The following IFIH1 variants were observed in gnomAD, a reference collection of about 807,000 sequenced individuals.
IFIH1 encodes the protein interferon induced with helicase C domain 1, also known as interferon-induced helicase C domain-containing protein 1.
Under a neutral mutation model 107.4 loss-of-function variants are expected in IFIH1, and 125 were observed. The observed-to-expected ratio is 1.16, with a 90% confidence interval of 1.01 to 1.35. The LOEUF (loss-of-function observed/expected upper bound fraction) is 1.35, where lower values mean the gene tolerates loss of function less well. Among genes scored for constraint, IFIH1 ranks in the 40% most tolerant of loss-of-function variants. The pLI, the probability that IFIH1 is intolerant of heterozygous loss-of-function variation, is 0.00. For synonymous variants in IFIH1, 458 were observed against 413.2 expected, an observed-to-expected ratio of 1.11 and a Z score of -1.31; for missense variants, 1,333 against 1,213.7, an observed-to-expected ratio of 1.10 and a Z score of -1.46.
intron 3 of IFIH1, among the ~76,000 whole-genome samples, chr2:162,293,977 C>A (rs1166922406): frequency 6.6e-6 from 1 of 151,804 alleles, no homozygotes; most frequent in African/African-American, 2.4e-5. Context: ...GTAAATGTTG[C>A]CCAAGAAAAC....
chr2:162,318,404 T>TA lies in IFIH1; in HGVS notation c.-98dup, dbSNP rs999033815. ...TGCGTGCCGCTGTCCGCTGCCCACTTAGAGAAGCAGGGTCTACCGCTCTGT... is the reference window on the plus strand; with the variant it reads ...TGCGTGCCGCTGTCCGCTGCCCACTTAAGAGAAGCAGGGTCTACCGCTCTGT... On this transcript the variant is annotated 5_prime_UTR_variant, in exon 1 of 16. Coordinates refer to ENST00000649979, the MANE Select transcript of IFIH1 (RefSeq NM_022168.4). 3.9e-6 allele frequency: 4 copies of TA among 1,015,154 alleles called. No homozygotes were observed. The African/African-American group carries it at 4.8e-5, about 12-fold the overall frequency. 62.9% of individuals were successfully genotyped at this position (1,015,154 alleles called of 1,614,324 possible).
Position 162,281,418 on chromosome 2 carries a change from C to T in IFIH1, c.1434G>A (p.Val478=). ...NNRLKKENKP[V]IPLPQILGLT... Reference sequence around the variant, plus strand: ...GTCCCAGTATCTGAGGAAGGGGAATCACTGGTTTGTTTTCTTTCTTGAGTC... The same window carrying T: ...GTCCCAGTATCTGAGGAAGGGGAATTACTGGTTTGTTTTCTTTCTTGAGTC... The change falls in exon 7 of 16, where the codon GTG becomes GTA. Residue 478 remains valine (V), a synonymous_variant. Transcript: ENST00000649979. 6.2e-7 allele frequency: 1 copy of T among 1,612,742 alleles called. No homozygotes were observed. The highest frequency in any genetic ancestry group is 8.5e-7 in the Non-Finnish European group (1 of 1,179,132).
Position 162,288,256 on chromosome 2 carries a change from A to G in IFIH1, c.974T>C (p.Ile325Thr). 5.0e-6 allele frequency: 8 copies of G among 1,612,776 alleles called. No homozygotes were observed. Among genetic ancestry groups the G allele is most frequent in the Non-Finnish European group, 5.1e-6 (6 of 1,179,222 alleles). ...ACTCCCTGTAGGGAGGCAGATGATG[A>G]TATTCTTCCCTTCCAAGGCTGGCTG... ...VAQPALEGKN[I>T]IICLPTGSGK... The change falls in exon 5 of 16, where the codon ATC (isoleucine) becomes ACC (threonine). Residue 325 changes from isoleucine to threonine, a missense_variant. Ile to Thr is a moderately conservative substitution (Grantham distance 89). Transcript: ENST00000649979.
intron 8 of IFIH1, among the ~76,000 whole-genome samples, chr2:162,279,661 C>T (rs1682770890): frequency 6.6e-6 from 1 of 151,980 alleles, no homozygotes; most frequent in South Asian, 2.1e-4. Flanking sequence ...TCCTGGAATT[C>T]ACGAAGAAAA....
intron 3 of IFIH1, among the ~76,000 whole-genome samples, chr2:162,297,064 A>G (rs1683094597): frequency 6.6e-6 from 1 of 152,052 alleles, no homozygotes; most frequent in Non-Finnish European, 1.5e-5. Flanking sequence ...ATAATAAAAG[A>G]AAATATATTG....
At chr2:162,292,208 T>C (rs1221924746) in intron 4 of IFIH1, among the ~76,000 whole-genome samples, 1 of 151,878 alleles carries the variant, frequency 6.6e-6, no homozygotes, top group Non-Finnish European at 1.5e-5. Context: ...ATGTTAAATA[T>C]TAGCTAGATT....
chr2:162,303,288 G>T (rs987614902), intron 3 of IFIH1, among the ~76,000 whole-genome samples: 1 of 152,084 alleles, frequency 6.6e-6, no homozygotes, highest in African/African-American at 2.4e-5. Context: ...CTAAGTTTTT[G>T]TATTTTTAAT....
intron 3 of IFIH1, among the ~76,000 whole-genome samples, chr2:162,294,351 A>G (rs1331782771): frequency 3.3e-5 from 5 of 151,914 alleles, no homozygotes; most frequent in African/African-American, 1.2e-4. Context: ...TGTTTTCAGA[A>G]CTCAGGATCA....
Position 162,318,415 on chromosome 2 carries a change from G to A in IFIH1, c.-108C>T. 1.1e-6 allele frequency: 1 copy of A among 908,302 alleles called. No homozygotes were observed. Among genetic ancestry groups the A allele is most frequent in the Non-Finnish European group, 1.7e-6 (1 of 578,330 alleles). The allele number at this position is 908,302 out of a possible 1,614,324, so 56.3% of individuals were successfully genotyped here. On this transcript the variant is annotated 5_prime_UTR_variant, in exon 1 of 16. Coordinates refer to ENST00000649979, the MANE Select transcript of IFIH1 (RefSeq NM_022168.4). ...GTCCGCTGCCCACTTAGAGAAGCAG[G>A]GTCTACCGCTCTGTGCCTGACAATG... is the stretch of plus-strand genomic sequence containing the variant.
rs1461923729 is a variant in IFIH1 at position 162,281,549 on chromosome 2, A to G, written c.1307-4T>C. The G allele has an allele frequency of 8.8e-6, 14 of 1,598,418 alleles. 1 individual carries two copies. Among genetic ancestry groups the G allele is most frequent in the South Asian group, 5.5e-5 (5 of 90,152 alleles). On this transcript the variant is annotated splice_region_variant and splice_polypyrimidine_tract_variant and intron_variant, in intron 6 of 15. Coordinates refer to ENST00000649979, the MANE Select transcript of IFIH1 (RefSeq NM_022168.4). ...TCAATGATAATGAGGGAAAAGTCTT[A>G]AAAGAAAATTCAAAGAGTTCATTTC...
chr2:162,276,075 C>A lies in IFIH1; in HGVS notation c.2304+612G>T, dbSNP rs116183545. 2.3e-3 allele frequency among the ~76,000 whole-genome samples: 352 copies of A among 152,234 alleles called. 2 individuals are homozygous for A. Among genetic ancestry groups the A allele is most frequent in the African/African-American group, 8.0e-3 (331 of 41,550 alleles). ...ATCATTTCTGAACTTTGTTGTTAAG[C>A]TTACATGTCACTTATTTTTGCAAGG... On this transcript the variant is annotated intron_variant, in intron 11 of 15. Coordinates refer to ENST00000649979, the MANE Select transcript of IFIH1 (RefSeq NM_022168.4).
At position 162,298,790 on chromosome 2, in the gene IFIH1, G is replaced by GCGCACACA. The variant is rs541154436; in HGVS notation, c.770-5123_770-5122insTGTGTGCG. Among the ~76,000 whole-genome samples, 620 of 149,292 alleles carry GCGCACACA rather than the reference G, an allele frequency of 4.2e-3. 25 individuals are homozygous for GCGCACACA. In the East Asian group the frequency reaches 0.1, roughly 25 times the overall value. ...TCTACACACACACGCACGCGCGCGC[G>GCGCACACA]CACACACACACACACACACACTCAC... On this transcript the variant is annotated intron_variant, in intron 3 of 15. Transcript: ENST00000649979.
In IFIH1 at chr2:162,277,332, T is replaced by C. The variant is rs1266120268; in HGVS notation, c.2044+83A>G. ...TTTCTTCTTTCAAAAGATATTTCTC[T>C]TTTTGGAGAGCTTATGAGAAGCAGT... is the stretch of plus-strand genomic sequence containing the variant. On this transcript the variant is annotated intron_variant, in intron 10 of 15. Transcript: ENST00000649979. The C allele has an allele frequency of 4.1e-6, 4 of 985,066 alleles. No homozygotes were observed. The Admixed American group carries it at 9.6e-5, about 24-fold the overall frequency. 61.0% of individuals were successfully genotyped at this position (985,066 alleles called of 1,614,324 possible).
At chr2:162,288,917 G>GCACACACACACACACACACA (rs3051152) in intron 4 of IFIH1, among the ~76,000 whole-genome samples, 15 of 135,368 alleles carry the variant, frequency 1.1e-4, no homozygotes, top group South Asian at 2.5e-4. Context: ...ATACCAAAAA[G>GCACACACACACACACACACA]CACACACACA....
intron 1 of IFIH1, among the ~76,000 whole-genome samples, chr2:162,312,183 T>C (rs1427232386): frequency 6.6e-6 from 1 of 152,206 alleles, no homozygotes; most frequent in African/African-American, 2.4e-5. Context: ...TTAACATTTT[T>C]GGAACAATGT....
intron 11 of IFIH1, 87 bp downstream of exon 11, chr2:162,276,599 CG>C: frequency 7.0e-7 from 1 of 1,424,200 alleles, no homozygotes; most frequent in Non-Finnish European, 9.5e-7. Context: ...AGCGAGGCCT[CG>C]TCTGAAAGAA....
At chr2:162,311,308 C>A (rs1683381675) in intron 1 of IFIH1, among the ~76,000 whole-genome samples, 1 of 151,994 alleles carries the variant, frequency 6.6e-6, no homozygotes, top group Non-Finnish European at 1.5e-5. Context: ...TCTATTTTCA[C>A]CAATTTCTTT....
chr2:162,277,740 C>G, intron 9 of IFIH1, 47 bp from the exon 10 acceptor site: 2 of 1,545,178 alleles, frequency 1.3e-6, no homozygotes, highest in Non-Finnish European at 1.7e-6. Context: ...CATATAAACC[C>G]CCTAAAATTG....
chr2:162,281,562 A>T lies in IFIH1; in HGVS notation c.1307-17T>A, dbSNP rs1406652378. 3.2e-6 allele frequency: 5 copies of T among 1,564,298 alleles called. No homozygotes were observed. Among genetic ancestry groups the T allele is most frequent in the Non-Finnish European group, 4.4e-6 (5 of 1,140,772 alleles). ...GGGAAAAGTCTTAAAAGAAAATTCA[A>T]AGAGTTCATTTCTCCATATCAGCAC... On this transcript the variant is annotated splice_polypyrimidine_tract_variant and intron_variant, in intron 6 of 15. Transcript: ENST00000649979.
Sources: gnomAD v4.1 joint callset for allele counts (sites outside exome capture counted in the v4.1 genomes callset) on GRCh38, gnomAD v4.1.1 for gene constraint, MANE v1.5 for transcripts, NCBI Gene and HGNC (gene_info 2026-07-23, HGNC 2026-07-21) for gene names.